The following UNC13C variants were observed in gnomAD, a reference collection of about 807,000 sequenced individuals.
UNC13C encodes protein unc-13 homolog C.
A neutral mutation model predicts 245.4 loss-of-function variants in UNC13C; 174 were observed. That is an observed-to-expected ratio of 0.71 (90% CI 0.63 to 0.80). UNC13C has a LOEUF of 0.80. Among genes scored for constraint, UNC13C ranks in the 30% least tolerant of loss-of-function variants. The pLI, the probability that UNC13C is intolerant of heterozygous loss-of-function variation, is 0.00. For synonymous variants in UNC13C, 992 were observed against 895.1 expected, an observed-to-expected ratio of 1.11 and a Z score of -1.93; for missense variants, 2,829 against 2,602.9, an observed-to-expected ratio of 1.09 and a Z score of -1.89.
At chr15:54,625,214 C>G (rs74758619) in intron 32 of UNC13C, among the ~76,000 whole-genome samples, 3 of 152,270 alleles carry the variant, frequency 2.0e-5, no homozygotes, top group Non-Finnish European at 4.4e-5. Flanking sequence ...TGACCTCACT[C>G]TCCTCACTGC....
At chr15:54,242,739 C>T (rs2035887078) in intron 7 of UNC13C, among the ~76,000 whole-genome samples, 1 of 152,054 alleles carries the variant, frequency 6.6e-6, no homozygotes, top group African/African-American at 2.4e-5. Context: ...ATATTTACAA[C>T]ATAAGTGAAT....
intron 13 of UNC13C, among the ~76,000 whole-genome samples, chr15:54,301,622 C>T (rs1366965280): frequency 6.6e-6 from 1 of 152,152 alleles, no homozygotes; most frequent in Non-Finnish European, 1.5e-5. Context: ...ATGAACTCAT[C>T]CTTTTTTATA....
chr15:54,001,334 C>T (rs143254739), intron 1 of UNC13C, among the ~76,000 whole-genome samples: 1 of 152,098 alleles, frequency 6.6e-6, no homozygotes, highest in Non-Finnish European at 1.5e-5. Flanking sequence ...ATCAAATGAG[C>T]CTGTGACACA....
chr15:54,326,697 G>A (rs2038305542), intron 14 of UNC13C, among the ~76,000 whole-genome samples: 1 of 151,964 alleles, frequency 6.6e-6, no homozygotes, highest in African/African-American at 2.4e-5. Context: ...CAGAGACAGA[G>A]GATTGTGGGA....
chr15:53,859,046 A>T, the UNC13C span, among the ~76,000 whole-genome samples: 3 of 151,974 alleles, frequency 2.0e-5, no homozygotes, highest in Admixed American at 1.3e-4. Context: ...ATTATCTTTT[A>T]TTTTTTTCTT....
chr15:54,296,509 C>T (rs148925220), intron 11 of UNC13C, among the ~76,000 whole-genome samples: 69 of 151,770 alleles, frequency 4.5e-4, no homozygotes, highest in East Asian at 3.9e-3. Flanking sequence ...TGAGCCATCG[C>T]GCCGGGCCCA....
At chr15:54,396,822 C>G (rs1354575422) in intron 18 of UNC13C, among the ~76,000 whole-genome samples, 1 of 151,098 alleles carries the variant, frequency 6.6e-6, no homozygotes, top group Non-Finnish European at 1.5e-5. Context: ...CATATATCTT[C>G]TTTGGTGAAA....
the UNC13C span, among the ~76,000 whole-genome samples, chr15:53,896,623 C>T: frequency 6.6e-6 from 1 of 152,038 alleles, no homozygotes; most frequent in Non-Finnish European, 1.5e-5. Context: ...CTCCATCCCT[C>T]TTCCTTAAAG....
chr15:54,342,002 G>A (rs954430024), intron 17 of UNC13C, among the ~76,000 whole-genome samples: 2 of 151,022 alleles, frequency 1.3e-5, no homozygotes, highest in African/African-American at 4.9e-5. Context: ...GTAGTATTTC[G>A]CTTTGTATTT....
the UNC13C span, chr15:53,968,190 CAA>C: frequency 2.0e-5 from 3 of 152,120 alleles, no homozygotes; most frequent in African/African-American, 4.8e-5. Context: ...CAATGATTAT[CAA>C]AAGCATAATT....
At chr15:53,904,295 T>G in the UNC13C span, among the ~76,000 whole-genome samples, 70,232 of 151,946 alleles carry the variant, frequency 0.46, 16,491 homozygotes, top group South Asian at 0.55. Context: ...TTACTCATTT[T>G]TTACTCAAGT....
At chr15:54,543,232 G>T (rs569867280) in intron 26 of UNC13C, among the ~76,000 whole-genome samples, 1 of 152,080 alleles carries the variant, frequency 6.6e-6, no homozygotes, top group East Asian at 1.9e-4. Context: ...TGTCTGTAAA[G>T]GATTTTATGT....
chr15:54,254,693 C>T (rs900529123), intron 8 of UNC13C, among the ~76,000 whole-genome samples: 6 of 152,210 alleles, frequency 3.9e-5, no homozygotes, highest in Non-Finnish European at 7.3e-5. Flanking sequence ...AAGCGAATAG[C>T]GTAAGCAGGA....
chr15:54,460,038 C>G (rs1891750222), intron 19 of UNC13C, among the ~76,000 whole-genome samples: 2 of 152,148 alleles, frequency 1.3e-5, no homozygotes, highest in East Asian at 1.9e-4. Context: ...TTTCAGTGGA[C>G]AGATCTGCGG....
In UNC13C at chr15:54,015,121, T is replaced by G. The variant is rs1332815436; in HGVS notation, c.2218T>G (p.Ser740Ala). The G allele has an allele frequency of 1.9e-6, 3 of 1,612,624 alleles. No individual in the cohort carries two copies. The stretch of plus-strand genomic sequence containing the variant: ...AGGCCAGTGGGTTGGCCAATATGAT[T>G]CTTATCAGGGAGCTAATTCTAATGA... Reference protein sequence around the residue: ...PQGQWVGQYDSYQGANSNELY... With the variant: ...PQGQWVGQYDAYQGANSNELY... The change falls in exon 2 of 33, where the codon TCT becomes GCT. Residue 740 changes from serine to alanine, a missense_variant. Coordinates refer to ENST00000260323, the MANE Select transcript of UNC13C (RefSeq NM_001080534.3).
At chr15:54,087,239 A>G (rs1567002988) in intron 2 of UNC13C, among the ~76,000 whole-genome samples, 1 of 152,090 alleles carries the variant, frequency 6.6e-6, no homozygotes, top group East Asian at 1.9e-4. Flanking sequence ...AAAATAAATC[A>G]AAGAGTCTTA....
Position 54,415,882 on chromosome 15 carries a change from T to C in UNC13C, c.4933+815T>C, listed in dbSNP as rs187441511. Among the ~76,000 whole-genome samples, 27 of 152,186 alleles carry C rather than the reference T, an allele frequency of 1.8e-4. No homozygotes were observed. The East Asian group carries it at 5.0e-3, about 28-fold the overall frequency. On this transcript the variant is annotated intron_variant, in intron 19 of 32. Coordinates refer to ENST00000260323, the MANE Select transcript of UNC13C (RefSeq NM_001080534.3). ...TCTGGAGAAGCACCTACAGCAGACATGGGGCTAGGGGACAAGGCAGGCTTA... is the reference window on the plus strand; with the variant it reads ...TCTGGAGAAGCACCTACAGCAGACACGGGGCTAGGGGACAAGGCAGGCTTA...
chr15:54,497,737 A>G (rs1352354750), intron 20 of UNC13C, among the ~76,000 whole-genome samples: 2 of 152,120 alleles, frequency 1.3e-5, no homozygotes, highest in Non-Finnish European at 2.9e-5. Flanking sequence ...CTGATGCCTA[A>G]TAGCATAGAT....
the UNC13C span, among the ~76,000 whole-genome samples, chr15:53,874,737 G>C: frequency 6.6e-6 from 1 of 152,138 alleles, no homozygotes; most frequent in Non-Finnish European, 1.5e-5. Flanking sequence ...ACCAGGTACT[G>C]CTGGTACCAC....
Sources: allele counts gnomAD v4.1 joint callset (sites outside exome capture counted in the v4.1 genomes callset), GRCh38; gene constraint gnomAD v4.1.1; transcripts MANE v1.5; gene names NCBI Gene and HGNC (gene_info 2026-07-23, HGNC 2026-07-21).